Variants in LRMDA observed in about 807,000 individuals in gnomAD.
LRMDA encodes leucine-rich melanocyte differentiation-associated protein.
Under a neutral mutation model 29.8 loss-of-function variants are expected in LRMDA, and 18 were observed. That is an observed-to-expected ratio of 0.60 (90% confidence interval 0.42 to 0.90). The LOEUF (loss-of-function observed/expected upper bound fraction) is 0.90, where lower values mean the gene tolerates loss of function less well. Ranked by LOEUF, LRMDA falls within the 40% of genes least tolerant of loss-of-function variation. The probability of loss-of-function intolerance (pLI) is 0.00; values close to 1 mark genes in which losing one functional copy is unlikely to be tolerated. For missense variants in LRMDA, 273 were observed against 273.9 expected, an observed-to-expected ratio of 1.00 and a Z score of 0.02; for synonymous variants, 125 against 109.4, an observed-to-expected ratio of 1.14 and a Z score of -0.89.
At chr10:75,983,162 G>A (rs925428350) in intron 2 of LRMDA, among the ~76,000 whole-genome samples, 2 of 152,092 alleles carry the variant, frequency 1.3e-5, no homozygotes, top group Non-Finnish European at 2.9e-5. Flanking sequence ...GAGTAATGTG[G>A]GCATCCAGCC....
intron 2 of LRMDA, among the ~76,000 whole-genome samples, chr10:75,827,678 C>G (rs1844270863): frequency 6.6e-6 from 1 of 152,238 alleles, no homozygotes; most frequent in African/African-American, 2.4e-5. Flanking sequence ...CAAAGAAAGA[C>G]TTGAGTTTGA....
At chr10:76,103,563 G>A (rs1002017693) in intron 5 of LRMDA, among the ~76,000 whole-genome samples, 8 of 152,188 alleles carry the variant, frequency 5.3e-5, no homozygotes, top group Non-Finnish European at 1.2e-4. Context: ...CACTTCCTGA[G>A]GTTGATGAAC....
intron 2 of LRMDA, among the ~76,000 whole-genome samples, chr10:76,004,373 ACTG>A (rs1391102692): frequency 1.3e-5 from 2 of 152,238 alleles, no homozygotes; most frequent in African/African-American, 4.8e-5. Flanking sequence ...GTGAGAGCAG[ACTG>A]CTTGATAAGC....
chr10:75,907,349 C>G (rs1051688188), intron 2 of LRMDA, among the ~76,000 whole-genome samples: 1 of 152,142 alleles, frequency 6.6e-6, no homozygotes, highest in Non-Finnish European at 1.5e-5. Flanking sequence ...TATTCATTAG[C>G]TTAGCCAGAC....
chr10:75,567,924 G>A (rs1840393132), intron 2 of LRMDA, among the ~76,000 whole-genome samples: 1 of 152,194 alleles, frequency 6.6e-6, no homozygotes, highest in African/African-American at 2.4e-5. Context: ...TGTATTTGGT[G>A]TCTTCAAATA....
chr10:76,484,749 G>A (rs1842765106), intron 6 of LRMDA, among the ~76,000 whole-genome samples: 1 of 151,726 alleles, frequency 6.6e-6, no homozygotes, highest in Admixed American at 6.6e-5. Flanking sequence ...TAACTTAATT[G>A]GATTTGTTTA....
chr10:76,001,861 G>A (rs1847568725), intron 2 of LRMDA, among the ~76,000 whole-genome samples: 1 of 152,068 alleles, frequency 6.6e-6, no homozygotes, highest in African/African-American at 2.4e-5. Context: ...TGCAACATTT[G>A]CTGCCCTTGG....
intron 5 of LRMDA, among the ~76,000 whole-genome samples, chr10:76,183,364 T>C (rs560716101): frequency 6.6e-6 from 1 of 152,358 alleles, no homozygotes; most frequent in South Asian, 2.1e-4. Context: ...ATATTTGCAA[T>C]GCAGTTTATC....
chr10:76,097,277 C>T (rs1006409364), intron 5 of LRMDA, among the ~76,000 whole-genome samples: 1 of 152,196 alleles, frequency 6.6e-6, no homozygotes, highest in Non-Finnish European at 1.5e-5. Context: ...TCCCAAAGTG[C>T]TGGGATTACA....
At chr10:76,393,295 A>G (rs74784586) in intron 6 of LRMDA, among the ~76,000 whole-genome samples, 4,248 of 152,218 alleles carry the variant, frequency 0.028, 54 homozygotes, top group African/African-American at 0.042. Context: ...GGTAATGTAC[A>G]TGGGTTCCCT....
At position 76,058,738 on chromosome 10, in the gene LRMDA, G is replaced by T. The variant is rs1378172521; in HGVS notation, c.471G>T (p.Glu157Asp). The T allele has an allele frequency of 6.2e-7, 1 of 1,614,204 alleles. No individual in the cohort carries two copies. Among genetic ancestry groups the T allele is most frequent in the Non-Finnish European group, 8.5e-7 (1 of 1,180,022 alleles). The change falls in exon 5 of 7, where the codon GAG becomes GAT. Residue 157 changes from glutamate (E) to aspartate (D), a missense_variant. Physicochemically the swap from Glu to Asp is conservative, Grantham distance 45. Coordinates refer to ENST00000611255, the MANE Select transcript of LRMDA (RefSeq NM_001305581.2). ...AGAAAGTAACCAGACAAGAACGAGAGGAGGCGTTGGTCAGAGGAGTCTTCA... is the reference window on the plus strand; with the variant it reads ...AGAAAGTAACCAGACAAGAACGAGATGAGGCGTTGGTCAGAGGAGTCTTCA... ...DAQKVTRQER[E>D]EALVRGVFMK... is the part of the protein sequence containing the mutation.
chr10:75,843,187 T>A (rs775002285), intron 2 of LRMDA, among the ~76,000 whole-genome samples: 1 of 152,190 alleles, frequency 6.6e-6, no homozygotes, highest in Non-Finnish European at 1.5e-5. Context: ...GATGAATTAA[T>A]GAGTTCAGGG....
At chr10:75,553,141 A>G (rs1840173066) in intron 2 of LRMDA, among the ~76,000 whole-genome samples, 1 of 152,166 alleles carries the variant, frequency 6.6e-6, no homozygotes, top group Admixed American at 6.5e-5. Context: ...CAGATAATGC[A>G]TATAAAAGAA....
intron 2 of LRMDA, among the ~76,000 whole-genome samples, chr10:75,834,815 T>G (rs2132294713): frequency 6.6e-6 from 1 of 152,254 alleles, no homozygotes; most frequent in South Asian, 2.1e-4. Flanking sequence ...TTGATGATGA[T>G]TTGGGTATTC....
chr10:75,516,979 T>C (rs1262736245), intron 2 of LRMDA, among the ~76,000 whole-genome samples: 1 of 152,160 alleles, frequency 6.6e-6, no homozygotes, highest in African/African-American at 2.4e-5. Flanking sequence ...TTTCTTGTTT[T>C]TGTCAGGTTT....
At chr10:75,573,538 C>T (rs911050602) in intron 2 of LRMDA, among the ~76,000 whole-genome samples, 2 of 152,128 alleles carry the variant, frequency 1.3e-5, no homozygotes, top group Non-Finnish European at 2.9e-5. Flanking sequence ...CTATGATTCA[C>T]AAATTCTCCT....
At chr10:75,631,751 C>G (rs187540206) in intron 2 of LRMDA, among the ~76,000 whole-genome samples, 1 of 152,238 alleles carries the variant, frequency 6.6e-6, no homozygotes, top group East Asian at 1.9e-4. Flanking sequence ...GCCCCTGTGA[C>G]ATTGTTTCCA....
chr10:76,267,320 GT>G (rs1412385611), intron 5 of LRMDA, among the ~76,000 whole-genome samples: 5 of 151,836 alleles, frequency 3.3e-5, no homozygotes, highest in Admixed American at 3.3e-4. Context: ...TAAAATTGTG[GT>G]AAAAATATAT....
intron 2 of LRMDA, among the ~76,000 whole-genome samples, chr10:75,639,578 G>C (rs1048281072): frequency 3.3e-5 from 5 of 152,176 alleles, no homozygotes; most frequent in Admixed American, 6.5e-5. Flanking sequence ...GTTGGGCAGA[G>C]GGAAGTTCTC....
Sources: allele counts gnomAD v4.1 joint callset (sites outside exome capture counted in the v4.1 genomes callset), GRCh38; gene constraint gnomAD v4.1.1; transcripts MANE v1.5; gene names NCBI Gene and HGNC (gene_info 2026-07-23, HGNC 2026-07-21).